OLFM2: variants seen among roughly 807,000 people sequenced by gnomAD.
OLFM2 encodes olfactomedin 2.
Under a neutral mutation model 43.9 loss-of-function variants are expected in OLFM2, and 20 were observed. The observed-to-expected ratio is 0.46, with a 90% CI of 0.32 to 0.66. The LOEUF (loss-of-function observed/expected upper bound fraction) is 0.66, where lower values mean the gene tolerates loss of function less well. Among genes scored for constraint, OLFM2 ranks in the 30% least tolerant of loss-of-function variants. OLFM2 has a pLI of 0.04. For synonymous variants in OLFM2, 268 were observed against 278.6 expected, an observed-to-expected ratio of 0.96 and a Z score of 0.38; for missense variants, 416 against 643.6, an observed-to-expected ratio of 0.65 and a Z score of 3.83.
intron 1 of OLFM2, among the ~76,000 whole-genome samples, chr19:9,907,180 G>A (rs2046792634): frequency 6.6e-6 from 1 of 152,164 alleles, no homozygotes; most frequent in African/African-American, 2.4e-5. Flanking sequence ...CTGGGGCCGG[G>A]CGTGGTGGTT....
intron 1 of OLFM2, among the ~76,000 whole-genome samples, chr19:9,862,611 G>A (rs1358954971): frequency 6.6e-6 from 1 of 151,888 alleles, no homozygotes; most frequent in African/African-American, 2.4e-5. Flanking sequence ...GGTACAGGAA[G>A]TTGAGGCTGC....
intron 1 of OLFM2, among the ~76,000 whole-genome samples, chr19:9,886,603 A>G (rs2046589059): frequency 1.3e-5 from 2 of 152,176 alleles, no homozygotes; most frequent in Admixed American, 1.3e-4. Flanking sequence ...CCCCGAAAGC[A>G]GCCCTCACTT....
intron 1 of OLFM2, among the ~76,000 whole-genome samples, chr19:9,905,259 C>T (rs1323553690): frequency 6.6e-6 from 1 of 152,094 alleles, no homozygotes; most frequent in African/African-American, 2.4e-5. Flanking sequence ...AGATTGAGAC[C>T]ATCATGGCTA....
intron 1 of OLFM2, among the ~76,000 whole-genome samples, chr19:9,909,090 C>T (rs532429159): frequency 6.6e-6 from 1 of 152,208 alleles, no homozygotes; most frequent in African/African-American, 2.4e-5. Flanking sequence ...TCTTCCCACC[C>T]CTGCCTTCCA....
chr19:9,858,219 G>A (rs1225687025), intron 2 of OLFM2: 2 of 367,416 alleles, frequency 5.4e-6, no homozygotes, highest in South Asian at 2.2e-5. Flanking sequence ...TGTGCTGGCT[G>A]GTCCTGCCCA....
At chr19:9,906,515 C>T (rs938393999) in intron 1 of OLFM2, among the ~76,000 whole-genome samples, 34 of 152,012 alleles carry the variant, frequency 2.2e-4, no homozygotes, top group African/African-American at 7.5e-4. Flanking sequence ...TTTCTGATCA[C>T]GACAGCAGCA....
At chr19:9,876,454 AACAG>A (rs2145449579) in intron 1 of OLFM2, among the ~76,000 whole-genome samples, 1 of 152,254 alleles carries the variant, frequency 6.6e-6, no homozygotes, top group East Asian at 1.9e-4. Flanking sequence ...ACCTGCCAAT[AACAG>A]ACAGCCAGGT....
intron 1 of OLFM2, among the ~76,000 whole-genome samples, chr19:9,931,191 C>T (rs2086479937): frequency 6.6e-6 from 1 of 152,158 alleles, no homozygotes; most frequent in South Asian, 2.1e-4. Flanking sequence ...ATCGTCTTAC[C>T]CCTAAACAAC....
chr19:9,860,526 A>C (rs1164542958), intron 2 of OLFM2, 119 bp downstream of exon 2: 2 of 1,067,642 alleles, frequency 1.9e-6, no homozygotes, highest in East Asian at 2.7e-5. Flanking sequence ...ATTATCAGCC[A>C]GCTCTGAATA....
chr19:9,929,501 C>T (rs538530558), intron 1 of OLFM2, among the ~76,000 whole-genome samples: 13 of 151,968 alleles, frequency 8.6e-5, no homozygotes, highest in Non-Finnish European at 1.9e-4. Flanking sequence ...GAGGCTGAGG[C>T]GGGAGAAGAG....
Position 9,857,880 on chromosome 19 carries a change from G to T in OLFM2, c.214-19C>A, listed in dbSNP as rs1315530338. Reference sequence around the variant, plus strand: ...TCTGGACCTAGGAATGGGGACAACTGAAGGGACCAGACCTCCTTCCCCAAA... The same window carrying T: ...TCTGGACCTAGGAATGGGGACAACTTAAGGGACCAGACCTCCTTCCCCAAA... On this transcript the variant is annotated intron_variant, in intron 2 of 5. Transcript: ENST00000264833. This position sits in a 1 kb window ranked among gnomAD's most constrained non-coding sequence, Gnocchi z 5.7. 5 of 1,613,574 alleles carry T rather than the reference G, an allele frequency of 3.1e-6. No individual in the cohort carries two copies. The highest frequency in any genetic ancestry group is 4.2e-6 in the Non-Finnish European group (5 of 1,179,996).
intron 1 of OLFM2, among the ~76,000 whole-genome samples, chr19:9,919,176 C>CTTTTTTTTTT (rs36124685): frequency 3.3e-5 from 5 of 149,260 alleles, no homozygotes; most frequent in African/African-American, 7.5e-5. Flanking sequence ...ATTTCTCTCT[C>CTTTTTTTTTT]TTTTTTTTGA....
At chr19:9,884,565 C>G (rs897583702) in intron 1 of OLFM2, among the ~76,000 whole-genome samples, 1 of 152,118 alleles carries the variant, frequency 6.6e-6, no homozygotes. Context: ...GTCTATGGGA[C>G]TGTAGAGATG....
At chr19:9,891,616 C>CAAA (rs1373918070) in intron 1 of OLFM2, among the ~76,000 whole-genome samples, 1 of 107,586 alleles carries the variant, frequency 9.3e-6, no homozygotes, top group Non-Finnish European at 2.0e-5. Flanking sequence ...GACTCCATCT[C>CAAA]AAAAAAAAAA....
chr19:9,869,243 T>G (rs759345457), intron 1 of OLFM2, among the ~76,000 whole-genome samples: 1 of 152,132 alleles, frequency 6.6e-6, no homozygotes, highest in African/African-American at 2.4e-5. Context: ...TCTCCCACAG[T>G]CCTCCCAAAA....
At chr19:9,915,389 T>C (rs1314574138) in intron 1 of OLFM2, among the ~76,000 whole-genome samples, 1 of 151,852 alleles carries the variant, frequency 6.6e-6, no homozygotes, top group African/African-American at 2.4e-5. Context: ...AAGATGAATA[T>C]TCTATGGGGT....
intron 1 of OLFM2, among the ~76,000 whole-genome samples, chr19:9,934,150 T>C (rs2086501475): frequency 6.6e-6 from 1 of 152,168 alleles, no homozygotes; most frequent in South Asian, 2.1e-4. Flanking sequence ...GAAGAGTGGG[T>C]AGAGCATCCT....
intron 1 of OLFM2, among the ~76,000 whole-genome samples, chr19:9,923,622 A>T (rs939189825): frequency 9.0e-4 from 136 of 150,542 alleles, no homozygotes; most frequent in African/African-American, 3.2e-3. Flanking sequence ...GGAAAGAGAG[A>T]GAGAGAGAAG....
intron 1 of OLFM2, among the ~76,000 whole-genome samples, chr19:9,889,229 G>A (rs986263776): frequency 6.6e-6 from 1 of 151,982 alleles, no homozygotes; most frequent in Non-Finnish European, 1.5e-5. Context: ...GTGTGTATGT[G>A]TGCAACTGTG....
Sources: gnomAD v4.1 joint callset for allele counts (sites outside exome capture counted in the v4.1 genomes callset) on GRCh38, gnomAD v4.1.1 for gene constraint, Gnocchi (gnomAD v3.1) non-coding constraint, MANE v1.5 for transcripts, NCBI Gene and HGNC (gene_info 2026-07-23, HGNC 2026-07-21) for gene names.